The following TANC2 variants were observed in gnomAD, a reference collection of about 807,000 sequenced individuals.
TANC2 encodes tetratricopeptide repeat, ankyrin repeat and coiled-coil containing 2.
TANC2 carries 26 observed loss-of-function variants against 210.5 expected under a neutral mutation model. The ratio of observed to expected loss-of-function variants is 0.12; its 90% CI spans 0.09 to 0.17. The LOEUF is 0.17. TANC2 is among the 10% of genes least tolerant of loss of function. TANC2 has a pLI of 1.00. For missense variants in TANC2, 2,129 were observed against 2,608.9 expected (o/e 0.82, Z 4.01); for synonymous variants, 931 against 967.1 (o/e 0.96, Z 0.69).
At chr17:63,207,330 C>T (rs1213550639) in intron 7 of TANC2, among the ~76,000 whole-genome samples, 2 of 151,254 alleles carry the variant, frequency 1.3e-5, no homozygotes, top group Admixed American at 6.6e-5. Flanking sequence ...ATTCTCCTGC[C>T]TCAGCCTCCC....
chr17:63,047,205 G>T (rs2035417696), intron 2 of TANC2, among the ~76,000 whole-genome samples: 1 of 152,150 alleles, frequency 6.6e-6, no homozygotes, highest in Admixed American at 6.6e-5. Context: ...ATCAGAAACT[G>T]AAAGAAAGCC....
chr17:63,002,486 T>C (rs1447016308), intron 1 of TANC2, among the ~76,000 whole-genome samples: 1 of 152,260 alleles, frequency 6.6e-6, no homozygotes, highest in African/African-American at 2.4e-5. Context: ...CATTTCAAAG[T>C]AATAATCTGC....
chr17:62,988,295 CTTTTTTT>C (rs59386058), intron 1 of TANC2, among the ~76,000 whole-genome samples: 1 of 111,738 alleles, frequency 8.9e-6, no homozygotes, highest in Non-Finnish European at 1.7e-5. Context: ...ACCTGGCTAA[CTTTTTTT>C]TTTTTTTTTT....
chr17:63,160,722 T>A (rs1183502002), intron 5 of TANC2, among the ~76,000 whole-genome samples: 1 of 152,172 alleles, frequency 6.6e-6, no homozygotes, highest in Non-Finnish European at 1.5e-5. Context: ...AATCTTTATA[T>A]TACTAGATTT....
chr17:63,345,398 T>A (rs2046367557), intron 12 of TANC2, among the ~76,000 whole-genome samples: 1 of 152,150 alleles, frequency 6.6e-6, no homozygotes, highest in Non-Finnish European at 1.5e-5. Context: ...CGCAGGTGGA[T>A]CACCTGAGGT....
At chr17:63,411,917 C>T in intron 22 of TANC2, 81 bp from the exon 23 acceptor site, 1 of 1,565,982 alleles carries the variant, frequency 6.4e-7, no homozygotes, top group Non-Finnish European at 8.7e-7. Flanking sequence ...TGAAAAAGGG[C>T]AGGCAGCAGC....
intron 5 of TANC2, among the ~76,000 whole-genome samples, chr17:63,167,316 G>C (rs1319790715): frequency 1.3e-5 from 2 of 152,054 alleles, no homozygotes; most frequent in African/African-American, 4.8e-5. Context: ...ACTCAAAAAT[G>C]ATAATATAAT....
chr17:63,009,188 G>A (rs1326292224), intron 1 of TANC2, among the ~76,000 whole-genome samples: 1 of 151,466 alleles, frequency 6.6e-6, no homozygotes, highest in Non-Finnish European at 1.5e-5. Context: ...ATTTATGGGG[G>A]TAAACATAGT....
chr17:63,190,147 C>A (rs2041134592), intron 5 of TANC2, among the ~76,000 whole-genome samples: 1 of 152,010 alleles, frequency 6.6e-6, no homozygotes, highest in Admixed American at 6.5e-5. Context: ...CCAGCCTGGG[C>A]AACATAATGA....
exon 28 of TANC2, chr17:63,422,180 T>C (rs1296470329): frequency 1.4e-5 from 7 of 511,332 alleles, no homozygotes; most frequent in African/African-American, 1.1e-4. Context: ...ACATGCTCTC[T>C]CCCTCTCTTC....
At chr17:63,408,978 G>T (rs1380640684) in intron 21 of TANC2, among the ~76,000 whole-genome samples, 2 of 151,688 alleles carry the variant, frequency 1.3e-5, no homozygotes, top group Admixed American at 1.3e-4. Context: ...ATGTATATTG[G>T]ATTTTAGACT....
chr17:63,105,644 A>G (rs930872858), intron 4 of TANC2, among the ~76,000 whole-genome samples: 5 of 151,718 alleles, frequency 3.3e-5, no homozygotes, highest in African/African-American at 1.2e-4. Context: ...AACATTAACA[A>G]ATATTATTTT....
intron 5 of TANC2, among the ~76,000 whole-genome samples, chr17:63,162,190 G>C (rs2040051110): frequency 6.6e-6 from 1 of 152,038 alleles, no homozygotes; most frequent in Non-Finnish European, 1.5e-5. Flanking sequence ...TGTAGTTCCA[G>C]CTACTTGGAA....
rs1567998188 is a variant in TANC2, at chr17:63,412,139, A to T, written c.3898+9A>T. The T allele has an allele frequency of 6.2e-7, 1 of 1,613,950 alleles. No homozygotes were observed. Among genetic ancestry groups the T allele is most frequent in the Non-Finnish European group, 8.5e-7 (1 of 1,179,874 alleles). ...GAAAGGAGCCAAGATAGGTAGGAGA[A>T]GGGAAGAGGATGTTGGCCATCTGTG... On this transcript the variant is annotated intron_variant, in intron 23 of 27. Coordinates refer to ENST00000689528, the Ensembl canonical transcript of TANC2. This position sits in a 1 kb window ranked among gnomAD's most constrained non-coding sequence, Gnocchi z 4.2.
chr17:63,316,529 A>G (rs958082632), intron 10 of TANC2, among the ~76,000 whole-genome samples: 18 of 152,200 alleles, frequency 1.2e-4, no homozygotes, highest in Non-Finnish European at 2.2e-4. Context: ...ATTCTCTAAC[A>G]TCCATTGCCT....
intron 8 of TANC2, among the ~76,000 whole-genome samples, chr17:63,247,061 G>C (rs983837189): frequency 1.3e-5 from 2 of 151,958 alleles, no homozygotes; most frequent in East Asian, 1.9e-4. Flanking sequence ...CTTATTTTGT[G>C]TATTGTTATC....
intron 1 of TANC2, among the ~76,000 whole-genome samples, chr17:63,008,457 C>T (rs1274542046): frequency 2.0e-5 from 3 of 152,124 alleles, no homozygotes; most frequent in Non-Finnish European, 4.4e-5. Flanking sequence ...CTGCTGGACA[C>T]ACCAAGTACT....
At chr17:63,211,741 A>T (rs1170093510) in intron 7 of TANC2, among the ~76,000 whole-genome samples, 1 of 152,116 alleles carries the variant, frequency 6.6e-6, no homozygotes, top group Non-Finnish European at 1.5e-5. Context: ...TGCCATGTTC[A>T]TTTTTTATCT....
At chr17:63,308,970 A>G (rs1396532305) in intron 9 of TANC2, among the ~76,000 whole-genome samples, 1 of 152,176 alleles carries the variant, frequency 6.6e-6, no homozygotes, top group Non-Finnish European at 1.5e-5. Flanking sequence ...TTCCATCTGC[A>G]TATACTGTAA....
Sources: allele counts gnomAD v4.1 joint callset (sites outside exome capture counted in the v4.1 genomes callset), GRCh38; gene constraint gnomAD v4.1.1; non-coding constraint Gnocchi (gnomAD v3.1); transcripts MANE v1.5; gene names NCBI Gene and HGNC (gene_info 2026-07-23, HGNC 2026-07-21).